NAV2: variants seen among roughly 807,000 people sequenced by gnomAD.
The protein encoded by NAV2 is helicase, APC down-regulated 1.
A neutral mutation model predicts 223.2 loss-of-function variants in NAV2; 54 were observed. The observed-to-expected ratio is 0.24, with a 90% CI of 0.19 to 0.30. The LOEUF (loss-of-function observed/expected upper bound fraction) is 0.30. Ranked by LOEUF, NAV2 falls within the 10% of genes least tolerant of loss-of-function variation. NAV2 has a pLI of 1.00. For missense variants in NAV2, 2,806 were observed against 3,147.5 expected, an observed-to-expected ratio of 0.89 and a Z score of 2.60; for synonymous variants, 1,279 against 1,239.3, an observed-to-expected ratio of 1.03 and a Z score of -0.67.
exon 1 of NAV2, chr11:19,350,998 G>C: frequency 6.4e-7 from 1 of 1,551,742 alleles, no homozygotes; most frequent in Non-Finnish European, 8.7e-7. Flanking sequence ...GAGAAAGCCA[G>C]TTATCCACGG....
chr11:19,493,047 C>T (rs2042681923), intron 1 of NAV2, among the ~76,000 whole-genome samples: 1 of 152,130 alleles, frequency 6.6e-6, no homozygotes. Context: ...TAATAATCGT[C>T]CAGGTCGATA....
chr11:19,404,349 G>A (rs866992429), intron 1 of NAV2, among the ~76,000 whole-genome samples: 1 of 152,206 alleles, frequency 6.6e-6, no homozygotes, highest in Admixed American at 6.5e-5. Context: ...TGGCAAGGGA[G>A]CAGAGCTGAA....
chr11:19,463,283 T>C (rs1052838965), intron 1 of NAV2, among the ~76,000 whole-genome samples: 6 of 152,272 alleles, frequency 3.9e-5, no homozygotes, highest in Non-Finnish European at 8.8e-5. Flanking sequence ...GCACCTACTA[T>C]GTTTCAGGCA....
At chr11:20,009,611 C>A (rs1334112891) in intron 11 of NAV2, among the ~76,000 whole-genome samples, 1 of 152,160 alleles carries the variant, frequency 6.6e-6, no homozygotes, top group Non-Finnish European at 1.5e-5. Flanking sequence ...CTACCCATGG[C>A]TTTTCCAAAA....
At chr11:19,683,321 A>G (rs2048928808) in intron 1 of NAV2, among the ~76,000 whole-genome samples, 1 of 152,242 alleles carries the variant, frequency 6.6e-6, no homozygotes. Flanking sequence ...AGAAAGCCTC[A>G]TGGCAGCAGC....
intron 1 of NAV2, among the ~76,000 whole-genome samples, chr11:19,370,397 C>T (rs1270916233): frequency 6.6e-6 from 1 of 152,210 alleles, no homozygotes; most frequent in Non-Finnish European, 1.5e-5. Flanking sequence ...AATTCCACAG[C>T]AGAGACTTGT....
chr11:19,485,259 T>C (rs896090560), intron 1 of NAV2, among the ~76,000 whole-genome samples: 8 of 152,156 alleles, frequency 5.3e-5, no homozygotes, highest in Admixed American at 4.6e-4. Flanking sequence ...TGTGGATATG[T>C]GGAGGGGTCA....
At chr11:19,382,283 T>C (rs563302225) in intron 1 of NAV2, among the ~76,000 whole-genome samples, 1 of 152,316 alleles carries the variant, frequency 6.6e-6, no homozygotes, top group East Asian at 1.9e-4. Context: ...GCTTTGGCTA[T>C]AGAATTCTTT....
chr11:20,096,992 A>G (rs1027726174), intron 30 of NAV2, among the ~76,000 whole-genome samples: 2 of 152,232 alleles, frequency 1.3e-5, no homozygotes, highest in Non-Finnish European at 2.9e-5. Context: ...CACCTAAGTC[A>G]TCGTGCAGTC....
In NAV2 at chr11:19,933,804, A is replaced by C. The variant is rs1349665882; in HGVS notation, c.1560A>C (p.Pro520=). ...AGAGGCTGGACCTCAAGGAGGAGCC[A>C]AAAGAAGACCCCAGTGGAGCAGCTG... ...VTERLDLKEE[P]KEDPSGAAVP... The change falls in exon 7 of 38, where the codon CCA becomes CCC. Residue 520 remains proline, a synonymous_variant. Transcript: ENST00000349880. The surrounding 1 kb of genome is among the most constrained non-coding windows in gnomAD (Gnocchi z 4.3). The C allele has an allele frequency of 6.2e-7, 1 of 1,614,038 alleles. No homozygotes were observed.
chr11:19,486,795 T>A (rs2042460558), intron 1 of NAV2, among the ~76,000 whole-genome samples: 2 of 152,202 alleles, frequency 1.3e-5, no homozygotes, highest in Non-Finnish European at 2.9e-5. Context: ...TCAGGCATCA[T>A]CTTCTCTCTG....
At chr11:19,454,315 A>G (rs764961479) in intron 1 of NAV2, among the ~76,000 whole-genome samples, 2 of 152,228 alleles carry the variant, frequency 1.3e-5, no homozygotes, top group Non-Finnish European at 2.9e-5. Context: ...TGGGGGCCAC[A>G]GTCAGCTGCA....
chr11:19,546,807 T>A (rs10833131), intron 1 of NAV2, among the ~76,000 whole-genome samples: 20,554 of 152,192 alleles, frequency 0.14, 1,612 homozygotes, highest in African/African-American at 0.21. Flanking sequence ...ATGTGAAGCT[T>A]CATTCCTAAT....
At chr11:19,397,822 G>A (rs1291512214) in intron 1 of NAV2, among the ~76,000 whole-genome samples, 1 of 152,120 alleles carries the variant, frequency 6.6e-6, no homozygotes, top group East Asian at 1.9e-4. Flanking sequence ...AAACCGGGAG[G>A]ACTGGACTAT....
At chr11:19,785,615 A>G (rs1351475045) in intron 1 of NAV2, among the ~76,000 whole-genome samples, 1 of 151,858 alleles carries the variant, frequency 6.6e-6, no homozygotes, top group Non-Finnish European at 1.5e-5. Flanking sequence ...ATGTTTTGAA[A>G]TTAAATAAGA....
At chr11:19,399,281 T>G (rs1849587914) in intron 1 of NAV2, among the ~76,000 whole-genome samples, 1 of 152,176 alleles carries the variant, frequency 6.6e-6, no homozygotes, top group African/African-American at 2.4e-5. Context: ...CCTGCCACCT[T>G]CAGAAGTCAG....
intron 1 of NAV2, among the ~76,000 whole-genome samples, chr11:19,412,946 G>A (rs1360653894): frequency 6.6e-6 from 1 of 152,142 alleles, no homozygotes; most frequent in East Asian, 1.9e-4. Context: ...GACCAAAGGT[G>A]GATAAATCCA....
intron 1 of NAV2, among the ~76,000 whole-genome samples, chr11:19,741,492 TC>T (rs2052793819): frequency 1.7e-5 from 1 of 60,054 alleles, no homozygotes; most frequent in African/African-American, 4.5e-5. Context: ...TTTCTTTCTT[TC>T]TTTCTTTTTT....
chr11:20,114,196 G>T (rs1048973024), intron 36 of NAV2, among the ~76,000 whole-genome samples: 1 of 152,170 alleles, frequency 6.6e-6, no homozygotes, highest in Non-Finnish European at 1.5e-5. Flanking sequence ...TCATGTCAGT[G>T]GTTTGAAGTC....
Sources: gnomAD v4.1 joint callset for allele counts (sites outside exome capture counted in the v4.1 genomes callset) on GRCh38, gnomAD v4.1.1 for gene constraint, Gnocchi (gnomAD v3.1) non-coding constraint, MANE v1.5 for transcripts, NCBI Gene and HGNC (gene_info 2026-07-23, HGNC 2026-07-21) for gene names.